ZNF546: variants seen among roughly 807,000 people sequenced by gnomAD.
ZNF546 encodes the protein CTC-471F3.6.
Under a neutral mutation model 76.2 loss-of-function variants are expected in ZNF546, and 60 were observed. The ratio of observed to expected loss-of-function variants is 0.79; its 90% CI spans 0.64 to 0.98. The LOEUF is 0.98. Ranked by LOEUF, ZNF546 falls within the 50% of genes least tolerant of loss-of-function variation. The pLI is 0.00. For missense variants in ZNF546, 936 were observed against 1,035.6 expected, an observed-to-expected ratio of 0.90 and a Z score of 1.32; for synonymous variants, 277 against 328.1, an observed-to-expected ratio of 0.84 and a Z score of 1.68.
intron 3 of ZNF546, among the ~76,000 whole-genome samples, chr19:40,002,388 AG>A (rs1971541075): frequency 2.6e-5 from 4 of 152,382 alleles, no homozygotes; most frequent in Admixed American, 2.6e-4. Flanking sequence ...ATCAGACATA[AG>A]GGCTCACAGT....
chr19:40,013,847 G>A lies in ZNF546; in HGVS notation c.577G>A (p.Val193Ile), dbSNP rs144973655. 5.0e-5 allele frequency: 81 copies of A among 1,609,786 alleles called. No individual in the cohort carries two copies. Among genetic ancestry groups the A allele is most frequent in the South Asian group, 1.6e-4 (14 of 89,896 alleles). The part of the protein sequence containing the change: ...ERQERHQMGC[V>I]SQMLIQKQIS... The stretch of plus-strand genomic sequence containing the variant: ...ACAAGAGAGACATCAGATGGGATGC[G>A]TTAGTCAAATGCTAATCCAAAAACA... Residue 193 changes from valine (V) to isoleucine (I), a missense_variant, in exon 7 of 7, where the codon GTT becomes ATT. By Grantham distance (29) the Val-to-Ile change is conservative. Coordinates refer to ENST00000347077, the MANE Select transcript of ZNF546 (RefSeq NM_178544.5).
At chr19:40,001,022 A>G (rs1376384234) in intron 3 of ZNF546, among the ~76,000 whole-genome samples, 1 of 152,022 alleles carries the variant, frequency 6.6e-6, no homozygotes, top group Non-Finnish European at 1.5e-5. Flanking sequence ...ATCATCAGGC[A>G]TTAGATTCTC....
At chr19:40,010,213 G>GCCAA (rs1971654667) in intron 6 of ZNF546, among the ~76,000 whole-genome samples, 1 of 152,038 alleles carries the variant, frequency 6.6e-6, no homozygotes, top group Non-Finnish European at 1.5e-5. Context: ...GACCAGCCTG[G>GCCAA]CCAACAAGGT....
chr19:40,011,894 T>C (rs1414909995), intron 6 of ZNF546, among the ~76,000 whole-genome samples: 5 of 152,244 alleles, frequency 3.3e-5, no homozygotes, highest in Non-Finnish European at 5.9e-5. Flanking sequence ...ACACCTGTTA[T>C]TGGATTTAGG....
At chr19:40,005,009 C>CTTTTTTTTTTTTTTTT (rs752081163) in intron 3 of ZNF546, among the ~76,000 whole-genome samples, 8 of 86,856 alleles carry the variant, frequency 9.2e-5, no homozygotes, top group Non-Finnish European at 1.5e-4. Context: ...CTGCATGCAT[C>CTTTTTTTTTTTTTTTT]TTTTTTTTTT....
intron 3 of ZNF546, among the ~76,000 whole-genome samples, chr19:40,005,076 T>C (rs977935809): frequency 7.2e-6 from 1 of 139,100 alleles, no homozygotes; most frequent in African/African-American, 3.0e-5. Context: ...TGGAGTGCAG[T>C]GGCGCGATTT....
intron 4 of ZNF546, 85 bp from the exon 5 acceptor site, chr19:40,007,185 GCTTA>G: frequency 9.7e-7 from 1 of 1,033,444 alleles, no homozygotes; most frequent in Non-Finnish European, 1.3e-6. Context: ...CAGTTTATTT[GCTTA>G]CTATGTTGCT....
At position 40,014,091 on chromosome 19, in the gene ZNF546, A is replaced by T; in HGVS notation, c.821A>T (p.Glu274Val). 1.2e-6 allele frequency: 2 copies of T among 1,613,858 alleles called. No individual in the cohort carries two copies. The highest frequency in any genetic ancestry group is 1.7e-6 in the Non-Finnish European group (2 of 1,179,776). Residue 274 changes from glutamate to valine, a missense_variant, in exon 7 of 7, where the codon GAA (glutamate) becomes GTA (valine). By Grantham distance (121) the Glu-to-Val change is moderately radical. Coordinates refer to ENST00000347077, the MANE Select transcript of ZNF546 (RefSeq NM_178544.5). The stretch of plus-strand genomic sequence containing the variant: ...ATCCATGCTGGGGAGAGACCCTATG[A>T]ATGTAAAGAATGTGGGAAGGCCTTT... ...HTIHAGERPY[E>V]CKECGKAFRL...
intron 6 of ZNF546, among the ~76,000 whole-genome samples, chr19:40,012,717 G>A (rs1293883185): frequency 6.6e-6 from 1 of 152,184 alleles, no homozygotes; most frequent in East Asian, 1.9e-4. Flanking sequence ...GTCTGGTTTG[G>A]TGCCTGAAGA....
rs12373514 is a variant in ZNF546, at chr19:40,012,692, A to G, written c.395-973A>G. Among the ~76,000 whole-genome samples the G allele has an allele frequency of 6.7e-3, 1,023 of 152,302 alleles. 5 individuals carry two copies. Among genetic ancestry groups the G allele is most frequent in the Non-Finnish European group, 0.012 (789 of 68,018 alleles). On this transcript the variant is annotated intron_variant, in intron 6 of 6. Coordinates refer to ENST00000347077, the MANE Select transcript of ZNF546 (RefSeq NM_178544.5). ...ATGCACATATCCAGGACTTGCTCCT[A>G]TAGATTTTGATTTTGTCTGGTTTGG...
At position 40,014,015 on chromosome 19, in the gene ZNF546, G is replaced by A; in HGVS notation, c.745G>A (p.Glu249Lys). ...HTGERPYKCM[E>K]CGKAFCRVGD... ...TGGTGAGAGACCCTATAAATGTATG[G>A]AATGTGGAAAGGCCTTTTGTCGAGT... The change falls in exon 7 of 7, where the codon GAA (glutamate) becomes AAA (lysine). Residue 249 changes from glutamate (E) to lysine (K), a missense_variant. Physicochemically the swap from Glu to Lys is moderately conservative, Grantham distance 56. Coordinates refer to ENST00000347077, the MANE Select transcript of ZNF546 (RefSeq NM_178544.5). 6 of 1,612,332 alleles carry A rather than the reference G, an allele frequency of 3.7e-6. No homozygotes were observed. Among genetic ancestry groups the A allele is most frequent in the Non-Finnish European group, 5.1e-6 (6 of 1,178,766 alleles).
intron 3 of ZNF546, among the ~76,000 whole-genome samples, chr19:40,003,033 CTT>C (rs577843773): frequency 0.034 from 3,611 of 106,360 alleles, 75 homozygotes; most frequent in African/African-American, 0.11. Context: ...TTTGATTTAA[CTT>C]TTTTTTTTTT....
rs138344189 is a variant in ZNF546, at chr19:40,003,447, AAAAC to A, written c.85-2645_85-2642del. ...TAATGGGTTTTTATTGTTAGATTCA[AAAAC>A]AAAGTTTTTATTGTTAGATTCAAAG... On this transcript the variant is annotated intron_variant, in intron 3 of 6. Transcript: ENST00000347077. Among the ~76,000 whole-genome samples, 520 of 152,312 alleles carry A rather than the reference AAAAC, an allele frequency of 3.4e-3. 4 individuals are homozygous for A. Among genetic ancestry groups the A allele is most frequent in the African/African-American group, 0.012 (498 of 41,564 alleles).
chr19:40,015,747 A>C lies in ZNF546; in HGVS notation c.2477A>C (p.Asn826Thr). The C allele has an allele frequency of 6.2e-7, 1 of 1,612,806 alleles. No individual in the cohort carries two copies. Among genetic ancestry groups the C allele is most frequent in the South Asian group, 1.1e-5 (1 of 91,012 alleles). The change falls in exon 7 of 7, where the codon AAT becomes ACT. Residue 826 changes from asparagine to threonine, a missense_variant. Transcript: ENST00000347077. ...GATCAACTTACTTTACATCAGAGAA[A>C]TCATATTAGTGAGGAAGTCCTATGC... is the stretch of plus-strand genomic sequence containing the variant. ...RSDQLTLHQRNHISEEVLCIM is the reference protein window; with the variant it reads ...RSDQLTLHQRTHISEEVLCIM
chr19:40,015,458 T>C lies in ZNF546; in HGVS notation c.2188T>C (p.Phe730Leu). 6.2e-7 allele frequency: 1 copy of C among 1,614,198 alleles called. No homozygotes were observed. The highest frequency in any genetic ancestry group is 8.5e-7 in the Non-Finnish European group (1 of 1,180,034). Residue 730 changes from phenylalanine (F) to leucine (L), a missense_variant, in exon 7 of 7, where the codon TTT becomes CTT. Transcript: ENST00000347077. ...TGAATGTAAGGAATGTGGAAAGACC[T>C]TTAGTCGTCGGTATCATCTTACTCA... is the stretch of plus-strand genomic sequence containing the variant. ...PYECKECGKT[F>L]SRRYHLTQHF...
rs1430892903 is a variant in ZNF546, at chr19:40,017,925, T to TAAGA, written c.*2146_*2149dup. ...TGTGCATTGTTCGTCTCTTTTAAAG[T>TAAGA]AAGAATGGCCCTTCCCCCCACAACT... On this transcript the variant is annotated 3_prime_UTR_variant, in exon 7 of 7. Transcript: ENST00000347077. 1 of 150,892 alleles carries TAAGA rather than the reference T, an allele frequency of 6.6e-6. No homozygotes were observed. The highest frequency in any genetic ancestry group is 2.4e-5 in the African/African-American group (1 of 40,958). The allele number at this position is 150,892 out of a possible 1,614,324, so 9.3% of individuals were successfully genotyped here. A position where few individuals can be genotyped will look rare whatever the true frequency, so the allele number is the denominator to read the frequency against.
In ZNF546 at chr19:40,019,403, G is replaced by A. The variant is rs981973849; in HGVS notation, c.*3622G>A. 1.3e-5 allele frequency: 2 copies of A among 152,124 alleles called. No homozygotes were observed. Among genetic ancestry groups the A allele is most frequent in the Non-Finnish European group, 2.9e-5 (2 of 68,000 alleles). The allele number at this position is 152,124 out of a possible 1,614,324, so 9.4% of individuals were successfully genotyped here. A position where few individuals can be genotyped will look rare whatever the true frequency, so the allele number is the denominator to read the frequency against. On this transcript the variant is annotated 3_prime_UTR_variant, in exon 7 of 7. Coordinates refer to ENST00000347077, the MANE Select transcript of ZNF546 (RefSeq NM_178544.5). ...GGGAAAAATAAGTCAATATAAGAAAGAAGGGAGGATCATTAAAAGGAGTTA... is the reference window on the plus strand; with the variant it reads ...GGGAAAAATAAGTCAATATAAGAAAAAAGGGAGGATCATTAAAAGGAGTTA...
At position 39,998,364 on chromosome 19, in the gene ZNF546, A is replaced by T; in HGVS notation, c.38A>T (p.Asp13Val). 6.2e-7 allele frequency: 1 copy of T among 1,614,160 alleles called. No homozygotes were observed. The highest frequency in any genetic ancestry group is 2.2e-5 in the East Asian group (1 of 44,886). The change falls in exon 3 of 7, where the codon GAC becomes GTC. Residue 13 changes from aspartate to valine, a missense_variant. Asp to Val is a radical substitution (Grantham distance 152). Transcript: ENST00000347077. ...VDPPLHGPPNDFLIFQIIPLH... is the reference protein window; with the variant it reads ...VDPPLHGPPNVFLIFQIIPLH... ...CCTCCTCTTCACGGGCCTCCAAATG[A>T]CTTTCTCATTTTTCAAATCATTCCT... is the stretch of plus-strand genomic sequence containing the variant.
rs776968507 is a variant in ZNF546 at position 40,015,569 on chromosome 19, C to T, written c.2299C>T (p.His767Tyr). 3 of 1,614,106 alleles carry T rather than the reference C, an allele frequency of 1.9e-6. No homozygotes were observed. Among genetic ancestry groups the T allele is most frequent in the Non-Finnish European group, 2.5e-6 (3 of 1,180,028 alleles). The part of the protein sequence containing the change: ...AFRLQAELTR[H>Y]HIVHTGEKPY... ...TCGTCTTCAAGCAGAACTTACTCGA[C>T]ATCACATAGTTCACACGGGTGAGAA... The change falls in exon 7 of 7, where the codon CAT becomes TAT. Residue 767 changes from histidine to tyrosine, a missense_variant. Coordinates refer to ENST00000347077, the MANE Select transcript of ZNF546 (RefSeq NM_178544.5).
Sources: gnomAD v4.1 joint callset for allele counts (sites outside exome capture counted in the v4.1 genomes callset) on GRCh38, gnomAD v4.1.1 for gene constraint, MANE v1.5 for transcripts, NCBI Gene and HGNC (gene_info 2026-07-23, HGNC 2026-07-21) for gene names.